The following SYN3 variants were observed in gnomAD, a reference collection of about 807,000 sequenced individuals.
SYN3 encodes the protein synapsin-3.
Under a neutral mutation model 65.8 loss-of-function variants are expected in SYN3, and 35 were observed. The ratio of observed to expected loss-of-function variants is 0.53; its 90% CI spans 0.41 to 0.70. The LOEUF is 0.70. Ranked by LOEUF, SYN3 falls within the 30% of genes least tolerant of loss-of-function variation. SYN3 has a pLI of 0.00. For missense variants in SYN3, 680 were observed against 749.0 expected (o/e 0.91, Z 1.08); for synonymous variants, 270 against 292.9 (o/e 0.92, Z 0.80).
At chr22:32,623,427 C>T (rs2059622326) in intron 6 of SYN3, among the ~76,000 whole-genome samples, 1 of 152,158 alleles carries the variant, frequency 6.6e-6, no homozygotes, top group South Asian at 2.1e-4. Flanking sequence ...AACCCCTGAG[C>T]TCAAGTGATC....
intron 6 of SYN3, among the ~76,000 whole-genome samples, chr22:32,853,404 G>T (rs1298637853): frequency 6.6e-6 from 1 of 152,240 alleles, no homozygotes; most frequent in Non-Finnish European, 1.5e-5. Flanking sequence ...TGGTAGGCAT[G>T]CAAGACATAG....
In SYN3 at chr22:32,801,897, G is replaced by A; in HGVS notation, c.711+63018C>T. On this transcript the variant is annotated intron_variant, in intron 6 of 13. Coordinates refer to ENST00000358763, the MANE Select transcript of SYN3 (RefSeq NM_003490.4). This position sits in a 1 kb window ranked among gnomAD's most constrained non-coding sequence, Gnocchi z 4.7. Reference sequence around the variant, plus strand: ...GCCGGAGGCCAAGGTTGCCCCGCACGGCCCGGCGGGCGAGCGAGCTCGGGC... The same window carrying A: ...GCCGGAGGCCAAGGTTGCCCCGCACAGCCCGGCGGGCGAGCGAGCTCGGGC... 1 of 1,364,338 alleles carries A rather than the reference G, an allele frequency of 7.3e-7. No individual in the cohort carries two copies. The highest frequency in any genetic ancestry group is 9.4e-7 in the Non-Finnish European group (1 of 1,064,774). 84.5% of individuals were successfully genotyped at this position (1,364,338 alleles called of 1,614,324 possible).
intron 4 of SYN3, among the ~76,000 whole-genome samples, chr22:32,889,288 C>T (rs1214845067): frequency 3.3e-5 from 5 of 152,114 alleles, no homozygotes; most frequent in Non-Finnish European, 7.3e-5. Flanking sequence ...CTCACCTTTG[C>T]CCCCAGCTCC....
In SYN3 at chr22:32,776,215, C is replaced by T. The variant is rs578027453; in HGVS notation, c.711+88700G>A. 3.9e-5 allele frequency among the ~76,000 whole-genome samples: 6 copies of T among 152,262 alleles called. No individual in the cohort carries two copies. In the East Asian group the frequency reaches 9.7e-4, roughly 25 times the overall value. On this transcript the variant is annotated intron_variant, in intron 6 of 13. Coordinates refer to ENST00000358763, the MANE Select transcript of SYN3 (RefSeq NM_003490.4). ...GCCTCTAGAGGGAGCACAACCCTGG[C>T]GACACCCTTTTTTTTTCAGCCCATT...
intron 5 of SYN3, among the ~76,000 whole-genome samples, chr22:32,868,557 C>T (rs1236327160): frequency 6.6e-6 from 1 of 151,930 alleles, no homozygotes; most frequent in African/African-American, 2.4e-5. Context: ...TCTCCTGCCT[C>T]AGCCTCCCGA....
At chr22:32,611,757 T>C (rs1601756255) in intron 6 of SYN3, among the ~76,000 whole-genome samples, 1 of 152,170 alleles carries the variant, frequency 6.6e-6, no homozygotes, top group Non-Finnish European at 1.5e-5. Flanking sequence ...GTGCTTCCAG[T>C]TCCTGAGACA....
chr22:32,556,821 TTTTTTTTTTTTTTTGTG>T (rs1569035396), intron 7 of SYN3, among the ~76,000 whole-genome samples: 3 of 104,480 alleles, frequency 2.9e-5, no homozygotes, highest in Non-Finnish European at 4.2e-5. Flanking sequence ...TTTTTTTTTT[TTTTTTTTTTTTTTTGTG>T]TGTAGAGATG....
intron 6 of SYN3, among the ~76,000 whole-genome samples, chr22:32,769,178 A>G (rs2045703119): frequency 6.6e-6 from 1 of 151,968 alleles, no homozygotes; most frequent in African/African-American, 2.4e-5. Flanking sequence ...CCCTATATTC[A>G]CCATCAATTA....
chr22:32,616,193 G>A (rs1476986214), intron 6 of SYN3, among the ~76,000 whole-genome samples: 1 of 152,156 alleles, frequency 6.6e-6, no homozygotes, highest in Non-Finnish European at 1.5e-5. Flanking sequence ...CTCCTGCATG[G>A]GGGCAGGAGG....
At chr22:32,918,665 C>T (rs910906367) in intron 4 of SYN3, among the ~76,000 whole-genome samples, 1 of 152,148 alleles carries the variant, frequency 6.6e-6, no homozygotes, top group Non-Finnish European at 1.5e-5. Flanking sequence ...CCTGAGGAGG[C>T]GACATGAGAT....
rs1337402702 is a variant in SYN3, at chr22:32,569,555, CTCTCTCTCTCTCTCTCTA to C, written c.774+27101_774+27118del. Among the ~76,000 whole-genome samples the C allele has an allele frequency of 2.4e-4, 26 of 109,744 alleles. No individual in the cohort carries two copies. In the South Asian group the frequency reaches 2.6e-3, roughly 11 times the overall value. 72.0% of individuals were successfully genotyped at this position (109,744 alleles called of 152,430 possible). A position where few individuals can be genotyped will look rare whatever the true frequency, so the allele number is the denominator to read the frequency against. On this transcript the variant is annotated intron_variant, in intron 7 of 13. Coordinates refer to ENST00000358763, the MANE Select transcript of SYN3 (RefSeq NM_003490.4). ...TCAATCAATCTCTCTCTCTCTCTCT[CTCTCTCTCTCTCTCTCTA>C]TATATATATATATATAAAATCTATC... is the stretch of plus-strand genomic sequence containing the variant.
At chr22:32,784,227 G>A (rs1200239535) in intron 6 of SYN3, among the ~76,000 whole-genome samples, 3 of 152,152 alleles carry the variant, frequency 2.0e-5, no homozygotes, top group Non-Finnish European at 4.4e-5. Flanking sequence ...GTGATGGTGG[G>A]GCTTGTGATA....
At chr22:32,658,243 G>A (rs1383215539) in intron 6 of SYN3, among the ~76,000 whole-genome samples, 1 of 152,254 alleles carries the variant, frequency 6.6e-6, no homozygotes, top group Non-Finnish European at 1.5e-5. Context: ...GAAACCAAAG[G>A]AAGGTGGTCG....
chr22:32,745,523 T>A (rs965577383), intron 6 of SYN3, among the ~76,000 whole-genome samples: 2 of 152,152 alleles, frequency 1.3e-5, no homozygotes, highest in Non-Finnish European at 2.9e-5. Context: ...TCAGATTCCC[T>A]CAGTAGCTTC....
intron 6 of SYN3, among the ~76,000 whole-genome samples, chr22:32,745,709 C>T (rs774642758): frequency 3.3e-5 from 5 of 151,964 alleles, no homozygotes; most frequent in Admixed American, 2.0e-4. Flanking sequence ...GAGAAACGGA[C>T]ACGTACACCC....
intron 6 of SYN3, among the ~76,000 whole-genome samples, chr22:32,767,385 T>TCACACACACACA (rs10527431): frequency 0.01 from 1,547 of 151,350 alleles, 19 homozygotes; most frequent in African/African-American, 0.03. Flanking sequence ...GCTGGTGACT[T>TCACACACACACA]CACACACACA....
At chr22:32,825,582 C>T (rs1042763049) in intron 6 of SYN3, among the ~76,000 whole-genome samples, 3 of 135,938 alleles carry the variant, frequency 2.2e-5, no homozygotes, top group African/African-American at 5.4e-5. Flanking sequence ...CACTTGAACC[C>T]GCAAGGCAGA....
intron 6 of SYN3, among the ~76,000 whole-genome samples, chr22:32,828,602 G>A (rs2047481048): frequency 6.6e-6 from 1 of 152,176 alleles, no homozygotes; most frequent in Non-Finnish European, 1.5e-5. Context: ...CTTCCCAGTT[G>A]GGGAAACAGG....
At chr22:32,697,110 C>T (rs948781732) in intron 6 of SYN3, among the ~76,000 whole-genome samples, 2 of 152,106 alleles carry the variant, frequency 1.3e-5, no homozygotes, top group African/African-American at 4.8e-5. Context: ...GGATGTGGAT[C>T]GAACATGTAT....
Sources: gnomAD v4.1 joint callset for allele counts (sites outside exome capture counted in the v4.1 genomes callset) on GRCh38, gnomAD v4.1.1 for gene constraint, Gnocchi (gnomAD v3.1) non-coding constraint, MANE v1.5 for transcripts, NCBI Gene and HGNC (gene_info 2026-07-23, HGNC 2026-07-21) for gene names.